Variants in NR6A1 observed in about 807,000 individuals in gnomAD.
The protein encoded by NR6A1 is retinoic acid receptor-related testis-associated receptor.
NR6A1 carries 7 observed loss-of-function variants against 59.1 expected under a neutral mutation model. The ratio of observed to expected loss-of-function variants is 0.12; its 90% confidence interval spans 0.07 to 0.22. The LOEUF (loss-of-function observed/expected upper bound fraction) is 0.22, where lower values mean the gene tolerates loss of function less well. NR6A1 is among the 10% of genes least tolerant of loss of function. NR6A1 has a pLI of 1.00. For synonymous variants in NR6A1, 243 were observed against 236.1 expected (o/e 1.03, Z -0.27); for missense variants, 468 against 611.6 (o/e 0.77, Z 2.48).
At chr9:124,582,238 C>T (rs1041386601) in intron 2 of NR6A1, among the ~76,000 whole-genome samples, 10 of 152,158 alleles carry the variant, frequency 6.6e-5, no homozygotes, top group African/African-American at 2.4e-4. Flanking sequence ...GAATACTAGT[C>T]AGCCATAAAA....
At chr9:124,664,660 G>C (rs1380810455) in intron 2 of NR6A1, among the ~76,000 whole-genome samples, 1 of 152,190 alleles carries the variant, frequency 6.6e-6, no homozygotes, top group Non-Finnish European at 1.5e-5. Flanking sequence ...AAGCTCTCCA[G>C]AGGAAAGGTT....
intron 1 of NR6A1, among the ~76,000 whole-genome samples, chr9:124,742,106 CAA>C (rs1840186663): frequency 6.6e-6 from 1 of 152,214 alleles, no homozygotes; most frequent in African/African-American, 2.4e-5. Context: ...TAAAGACCTT[CAA>C]CTGTCATACA....
chr9:124,569,902 A>G (rs973249497), intron 2 of NR6A1, among the ~76,000 whole-genome samples: 1 of 152,228 alleles, frequency 6.6e-6, no homozygotes, highest in Admixed American at 6.5e-5. Context: ...CAGCTGAATG[A>G]AAACAAGTGA....
intron 2 of NR6A1, among the ~76,000 whole-genome samples, chr9:124,633,335 G>A (rs138244033): frequency 4.7e-5 from 7 of 149,938 alleles, no homozygotes; most frequent in Non-Finnish European, 8.9e-5. Flanking sequence ...CCCGGGAGGC[G>A]GAGCTTGCAG....
chr9:124,689,589 T>C (rs552065063), intron 2 of NR6A1, among the ~76,000 whole-genome samples: 1 of 152,342 alleles, frequency 6.6e-6, no homozygotes, highest in South Asian at 2.1e-4. Context: ...TGGCTGTGTG[T>C]GCAGGAAGGG....
At chr9:124,731,147 G>A (rs1050266033) in intron 2 of NR6A1, among the ~76,000 whole-genome samples, 1 of 152,032 alleles carries the variant, frequency 6.6e-6, no homozygotes, top group African/African-American at 2.4e-5. Context: ...CAAGGCAGGC[G>A]GATCACAAGG....
chr9:124,742,065 A>G (rs2131149882), intron 1 of NR6A1, among the ~76,000 whole-genome samples: 1 of 152,322 alleles, frequency 6.6e-6, no homozygotes, highest in African/African-American at 2.4e-5. Flanking sequence ...TGGTAATTTG[A>G]CTTGATTGGA....
intron 2 of NR6A1, among the ~76,000 whole-genome samples, chr9:124,574,883 T>C (rs1834545629): frequency 6.6e-6 from 1 of 152,256 alleles, no homozygotes. Context: ...GTATACACTC[T>C]ACAACTGCAT....
intron 2 of NR6A1, among the ~76,000 whole-genome samples, chr9:124,724,290 G>C (rs1313479772): frequency 6.6e-6 from 1 of 151,764 alleles, no homozygotes; most frequent in Non-Finnish European, 1.5e-5. Flanking sequence ...CTAGGTGGTG[G>C]GATTAGAGAT....
intron 6 of NR6A1, among the ~76,000 whole-genome samples, chr9:124,537,066 C>T (rs13440231): frequency 6.9e-6 from 1 of 145,582 alleles, no homozygotes; most frequent in African/African-American, 2.8e-5. Context: ...ACTCCCACAT[C>T]TAAATTTTTT....
chr9:124,752,812 A>C (rs953183808), intron 1 of NR6A1, among the ~76,000 whole-genome samples: 1 of 151,174 alleles, frequency 6.6e-6, no homozygotes, highest in Non-Finnish European at 1.5e-5. Context: ...ACAGCAGTTA[A>C]ATTAAAAAAA....
intron 2 of NR6A1, among the ~76,000 whole-genome samples, chr9:124,667,341 C>T (rs772720270): frequency 1.3e-5 from 2 of 152,014 alleles, no homozygotes; most frequent in Non-Finnish European, 2.9e-5. Context: ...GGCTTATCCA[C>T]CCTACTTTCA....
intron 1 of NR6A1, among the ~76,000 whole-genome samples, chr9:124,759,001 T>C (rs79443146): frequency 0.016 from 2,512 of 152,260 alleles, 78 homozygotes; most frequent in East Asian, 0.15. Flanking sequence ...AGAGCTAGAA[T>C]CAGATCCTAG....
At chr9:124,571,807 T>A (rs1237351798) in intron 2 of NR6A1, among the ~76,000 whole-genome samples, 2 of 152,144 alleles carry the variant, frequency 1.3e-5, no homozygotes, top group African/African-American at 4.8e-5. Flanking sequence ...CCATCCCTCC[T>A]GAATCCCAAC....
At chr9:124,621,877 T>C (rs1836087087) in intron 2 of NR6A1, among the ~76,000 whole-genome samples, 2 of 152,088 alleles carry the variant, frequency 1.3e-5, no homozygotes, top group Non-Finnish European at 2.9e-5. Context: ...TGGCAATCAT[T>C]GTGCTAAAAA....
intron 2 of NR6A1, among the ~76,000 whole-genome samples, chr9:124,714,488 AAGAACAAGGTG>A (rs1839361070): frequency 6.6e-6 from 1 of 152,232 alleles, no homozygotes; most frequent in Admixed American, 6.5e-5. Flanking sequence ...CCCTAAGATT[AAGAACAAGGTG>A]AGAACATCAC....
At chr9:124,748,677 G>A (rs1345842671) in intron 1 of NR6A1, among the ~76,000 whole-genome samples, 8 of 151,174 alleles carry the variant, frequency 5.3e-5, no homozygotes, top group African/African-American at 9.7e-5. Flanking sequence ...TGGCTAACAC[G>A]GTGAAACCCC....
At chr9:124,534,349 A>AG (rs1833191067) in intron 7 of NR6A1, among the ~76,000 whole-genome samples, 1 of 152,216 alleles carries the variant, frequency 6.6e-6, no homozygotes, top group Non-Finnish European at 1.5e-5. Context: ...CTGGGATTAC[A>AG]GGCATGAGCC....
chr9:124,559,445 G>C (rs2131398181), intron 2 of NR6A1, among the ~76,000 whole-genome samples: 1 of 152,196 alleles, frequency 6.6e-6, no homozygotes, highest in East Asian at 1.9e-4. Context: ...ATCTAACCTA[G>C]CTCATATATA....
Sources: allele counts gnomAD v4.1 joint callset (sites outside exome capture counted in the v4.1 genomes callset), GRCh38; gene constraint gnomAD v4.1.1; transcripts MANE v1.5; gene names NCBI Gene and HGNC (gene_info 2026-07-23, HGNC 2026-07-21).